The following KALRN variants were observed in gnomAD, a reference collection of about 807,000 sequenced individuals.
The protein encoded by KALRN is kalirin RhoGEF kinase.
A neutral mutation model predicts 353.7 loss-of-function variants in KALRN; 70 were observed. The ratio of observed to expected loss-of-function variants is 0.20; its 90% confidence interval spans 0.16 to 0.24. The LOEUF is 0.24. Ranked by LOEUF, KALRN falls within the 10% of genes least tolerant of loss-of-function variation. KALRN has a pLI of 1.00. For synonymous variants in KALRN, 1,391 were observed against 1,434.8 expected, an observed-to-expected ratio of 0.97 and a Z score of 0.69; for missense variants, 2,791 against 3,756.7, an observed-to-expected ratio of 0.74 and a Z score of 6.72.
chr3:124,378,506 T>C (rs1197180741), intron 10 of KALRN, among the ~76,000 whole-genome samples: 1 of 139,310 alleles, frequency 7.2e-6, no homozygotes, highest in Non-Finnish European at 1.5e-5. Context: ...GATTCCTGTG[T>C]ATGGATCTGT....
chr3:124,034,096 T>C (rs2039163858), intron 1 of KALRN, among the ~76,000 whole-genome samples: 1 of 152,076 alleles, frequency 6.6e-6, no homozygotes, highest in Non-Finnish European at 1.5e-5. Context: ...GACCGCCTTC[T>C]CCCAGAGCGC....
At chr3:124,484,356 C>T (rs1405903451) in intron 28 of KALRN, among the ~76,000 whole-genome samples, 1 of 152,138 alleles carries the variant, frequency 6.6e-6, no homozygotes, top group Non-Finnish European at 1.5e-5. Context: ...TCAGCCTCAT[C>T]CCTGCAATTC....
chr3:124,650,168 A>C (rs1395344996), intron 37 of KALRN, among the ~76,000 whole-genome samples: 2 of 152,158 alleles, frequency 1.3e-5, no homozygotes, highest in Non-Finnish European at 2.9e-5. Flanking sequence ...TAAAAGTGTT[A>C]AGATTGACTC....
chr3:124,472,308 C>T (rs1024361434), intron 25 of KALRN, among the ~76,000 whole-genome samples: 16 of 152,150 alleles, frequency 1.1e-4, no homozygotes, highest in Admixed American at 2.6e-4. Context: ...GGTATCCTTG[C>T]CACTTCTGAC....
chr3:124,450,483 G>T (rs1050743813), intron 21 of KALRN, among the ~76,000 whole-genome samples: 1 of 152,012 alleles, frequency 6.6e-6, no homozygotes, highest in East Asian at 1.9e-4. Context: ...CACTGGGGTT[G>T]TCAGATGGTA....
At chr3:124,570,815 T>C (rs751294117) in intron 34 of KALRN, among the ~76,000 whole-genome samples, 1 of 152,192 alleles carries the variant, frequency 6.6e-6, no homozygotes, top group Non-Finnish European at 1.5e-5. Context: ...GAACATTGGC[T>C]TCTTTTGGCT....
intron 1 of KALRN, among the ~76,000 whole-genome samples, chr3:124,094,331 A>G (rs2061299223): frequency 6.6e-6 from 1 of 152,254 alleles, no homozygotes; most frequent in Non-Finnish European, 1.5e-5. Context: ...ACAGTGAGGC[A>G]GTGAGGCAGT....
At chr3:124,337,355 G>C (rs991900848) in intron 9 of KALRN, among the ~76,000 whole-genome samples, 1 of 152,138 alleles carries the variant, frequency 6.6e-6, no homozygotes, top group Non-Finnish European at 1.5e-5. Flanking sequence ...TAGCATGAAG[G>C]GGTGTTGAAT....
chr3:124,326,348 CCT>C (rs2079911203), intron 7 of KALRN, among the ~76,000 whole-genome samples, 177 bp downstream of exon 7: 1 of 152,142 alleles, frequency 6.6e-6, no homozygotes. Flanking sequence ...TTTGATGGCC[CCT>C]GTGTGCACAA....
chr3:124,222,536 A>G (rs2078032781), intron 1 of KALRN, among the ~76,000 whole-genome samples: 1 of 152,190 alleles, frequency 6.6e-6, no homozygotes, highest in South Asian at 2.1e-4. Flanking sequence ...TGGAATGGAA[A>G]GACATACTTT....
intron 57 of KALRN, among the ~76,000 whole-genome samples, chr3:124,711,241 C>T (rs1383376711): frequency 2.6e-5 from 4 of 152,120 alleles, no homozygotes; most frequent in African/African-American, 9.7e-5. Flanking sequence ...AGGCTAGTCT[C>T]AAACTCCTGG....
At chr3:124,651,123 A>G (rs536375993) in intron 38 of KALRN, among the ~76,000 whole-genome samples, 185 bp downstream of exon 38, 3 of 152,370 alleles carry the variant, frequency 2.0e-5, no homozygotes, top group African/African-American at 4.8e-5. Flanking sequence ...GACTTGATTG[A>G]AGTTTAGGCT....
chr3:124,047,996 T>G (rs2040668409), intron 1 of KALRN, among the ~76,000 whole-genome samples: 1 of 152,180 alleles, frequency 6.6e-6, no homozygotes, highest in Admixed American at 6.5e-5. Context: ...TTCACTCCCT[T>G]GATCCATGGT....
At chr3:124,660,577 A>T (rs1324447271) in intron 43 of KALRN, among the ~76,000 whole-genome samples, 1 of 150,924 alleles carries the variant, frequency 6.6e-6, no homozygotes, top group Non-Finnish European at 1.5e-5. Context: ...ACTACTCAGG[A>T]GGCTGAGGCA....
At chr3:124,489,868 C>T (rs2062957413) in intron 29 of KALRN, among the ~76,000 whole-genome samples, 1 of 152,170 alleles carries the variant, frequency 6.6e-6, no homozygotes, top group Non-Finnish European at 1.5e-5. Context: ...TCCTTATGCA[C>T]AGTAAAGTTT....
intron 18 of KALRN, among the ~76,000 whole-genome samples, 162 bp downstream of exon 18, chr3:124,439,199 C>T (rs1176190434): frequency 9.8e-5 from 5 of 51,252 alleles, no homozygotes; most frequent in African/African-American, 3.0e-4. Flanking sequence ...CTCTCTCTCT[C>T]TCACACACAC....
chr3:124,238,190 C>T (rs757121505), intron 3 of KALRN, among the ~76,000 whole-genome samples: 6 of 151,970 alleles, frequency 3.9e-5, no homozygotes, highest in Non-Finnish European at 8.8e-5. Flanking sequence ...CATGTCTCCA[C>T]AGTTGAAGGA....
At chr3:124,130,297 G>C (rs569737166) in intron 1 of KALRN, among the ~76,000 whole-genome samples, 1 of 152,300 alleles carries the variant, frequency 6.6e-6, no homozygotes, top group Non-Finnish European at 1.5e-5. Flanking sequence ...CTCTGAATAT[G>C]TTAAATGTAT....
chr3:124,346,372 G>C (rs962140101), intron 9 of KALRN, among the ~76,000 whole-genome samples: 1 of 152,100 alleles, frequency 6.6e-6, no homozygotes, highest in African/African-American at 2.4e-5. Context: ...CTATTGCCCA[G>C]GGGTCTCTGT....
Sources: gnomAD v4.1 joint callset for allele counts (sites outside exome capture counted in the v4.1 genomes callset) on GRCh38, gnomAD v4.1.1 for gene constraint, MANE v1.5 for transcripts, NCBI Gene and HGNC (gene_info 2026-07-23, HGNC 2026-07-21) for gene names.